Variants in DCHS2 observed in about 807,000 individuals in gnomAD.
DCHS2 encodes the protein protocadherin-23.
In DCHS2, 142 loss-of-function variants were observed where a neutral mutation model predicts 182.4. The ratio of observed to expected loss-of-function variants is 0.78; its 90% confidence interval spans 0.68 to 0.89. The LOEUF (loss-of-function observed/expected upper bound fraction) is 0.89, where lower values mean the gene tolerates loss of function less well. DCHS2 is among the 40% of genes least tolerant of loss of function. DCHS2 has a pLI of 0.00. For synonymous variants in DCHS2, 1,740 were observed against 1,663.3 expected (o/e 1.05, Z -1.12); for missense variants, 4,319 against 4,198.6 (o/e 1.03, Z -0.79).
At chr4:154,335,761 T>C (rs1405179777) in intron 3 of DCHS2, among the ~76,000 whole-genome samples, 1 of 152,258 alleles carries the variant, frequency 6.6e-6, no homozygotes, top group African/African-American at 2.4e-5. Context: ...ACCTTCTGCA[T>C]ATTTGCAAAA....
intron 13 of DCHS2, among the ~76,000 whole-genome samples, chr4:154,292,875 T>G (rs1734729729): frequency 6.6e-6 from 1 of 152,136 alleles, no homozygotes; most frequent in African/African-American, 2.4e-5. Context: ...TCCATCTCTA[T>G]CTTACCTAGC....
intron 1 of DCHS2, among the ~76,000 whole-genome samples, chr4:154,427,031 T>C (rs1442458159): frequency 6.6e-6 from 1 of 152,192 alleles, no homozygotes; most frequent in Non-Finnish European, 1.5e-5. Flanking sequence ...CAGTGATTCA[T>C]GAATGTTTCA....
chr4:154,265,290 G>A (rs966031892), intron 14 of DCHS2, among the ~76,000 whole-genome samples: 2 of 152,142 alleles, frequency 1.3e-5, no homozygotes, highest in Non-Finnish European at 2.9e-5. Flanking sequence ...ATACAAGCCT[G>A]TACATTTCAT....
intron 9 of DCHS2, among the ~76,000 whole-genome samples, chr4:154,316,759 G>A (rs1196123084): frequency 6.6e-6 from 1 of 152,118 alleles, no homozygotes; most frequent in African/African-American, 2.4e-5. Context: ...ACTCTAGCCT[G>A]GGCAACAGAG....
intron 8 of DCHS2, 108 bp from the exon 9 acceptor site, chr4:154,321,330 A>G (rs887893950): frequency 4.2e-6 from 5 of 1,203,650 alleles, no homozygotes; most frequent in Non-Finnish European, 5.4e-6. Context: ...GTATGTGATC[A>G]TATGTTAATT....
At chr4:154,292,200 C>A (rs556318957) in intron 13 of DCHS2, among the ~76,000 whole-genome samples, 1 of 152,098 alleles carries the variant, frequency 6.6e-6, no homozygotes, top group East Asian at 1.9e-4. Flanking sequence ...CACAAATACC[C>A]AAACCTGTTT....
At chr4:154,297,707 C>A in intron 13 of DCHS2, 144 bp downstream of exon 13, 1 of 1,335,206 alleles carries the variant, frequency 7.5e-7, no homozygotes, top group Non-Finnish European at 1.0e-6. Context: ...TCCACTTAAC[C>A]ATGTTTATTC....
At chr4:154,339,705 C>G (rs1189436142) in intron 3 of DCHS2, among the ~76,000 whole-genome samples, 1 of 152,124 alleles carries the variant, frequency 6.6e-6, no homozygotes, top group African/African-American at 2.4e-5. Flanking sequence ...TCTCGGCCTC[C>G]CAGAGTGCTG....
At chr4:154,351,345 T>C (rs527316654) in intron 3 of DCHS2, among the ~76,000 whole-genome samples, 17 of 152,182 alleles carry the variant, frequency 1.1e-4, no homozygotes, top group Non-Finnish European at 2.5e-4. Flanking sequence ...AGAAAGCATA[T>C]TCAAATACTT....
chr4:154,322,531 T>C (rs1253779758), intron 7 of DCHS2, 43 bp from the exon 8 acceptor site: 3 of 1,546,992 alleles, frequency 1.9e-6, no homozygotes, highest in Non-Finnish European at 2.6e-6. Context: ...TAATTGACAA[T>C]GCAGAAAACA....
At chr4:154,272,869 C>T (rs1208911716) in intron 13 of DCHS2, among the ~76,000 whole-genome samples, 1 of 152,100 alleles carries the variant, frequency 6.6e-6, no homozygotes, top group South Asian at 2.1e-4. Context: ...TGATATTGTG[C>T]ATCTTTTCAT....
intron 1 of DCHS2, among the ~76,000 whole-genome samples, chr4:154,400,289 C>A (rs1418075247): frequency 2.2e-5 from 2 of 89,966 alleles, no homozygotes; most frequent in African/African-American, 6.7e-5. Context: ...GGCAACAGAG[C>A]GAGACTTCGT....
Position 154,236,858 on chromosome 4 carries a change from A to T in DCHS2, c.7794T>A (p.Phe2598Leu), listed in dbSNP as rs143512002. Residue 2598 changes from phenylalanine (F) to leucine (L), a missense_variant, in exon 20 of 20, where the codon TTT (phenylalanine) becomes TTA (leucine). Transcript: ENST00000357232. ...AATGAAAGAACTTAGTTTCCACATG[A>T]AAATTGTTCTGTGAATTACCACTGA... ...SIISGNSQNNFHVETKFFHSE... is the reference protein window; with the variant it reads ...SIISGNSQNNLHVETKFFHSE... The T allele has an allele frequency of 1.0e-3, 1,640 of 1,613,948 alleles. 13 individuals are homozygous for T. The highest frequency in any genetic ancestry group is 6.6e-4 in the Non-Finnish European group (776 of 1,179,970).
intron 1 of DCHS2, among the ~76,000 whole-genome samples, chr4:154,384,081 T>C (rs17301342): frequency 0.39 from 58,560 of 151,974 alleles, 11,810 homozygotes; most frequent in East Asian, 0.65. Context: ...ACGTTTTACA[T>C]TTGAAGCACT....
chr4:154,289,422 T>G (rs189478912), intron 13 of DCHS2, among the ~76,000 whole-genome samples: 4 of 152,120 alleles, frequency 2.6e-5, no homozygotes, highest in Admixed American at 2.6e-4. Flanking sequence ...CAATAATATG[T>G]AATGAGATCA....
chr4:154,448,214 T>C (rs372943317), intron 1 of DCHS2, among the ~76,000 whole-genome samples: 1 of 152,184 alleles, frequency 6.6e-6, no homozygotes, highest in South Asian at 2.1e-4. Flanking sequence ...TTCCTGGCTA[T>C]GACATGTGGG....
intron 3 of DCHS2, chr4:154,357,430 T>C (rs1165635041): frequency 1.5e-6 from 1 of 677,184 alleles, no homozygotes; most frequent in Non-Finnish European, 2.6e-6. Flanking sequence ...CACGTAGCAC[T>C]CTTGTGCAAA....
At chr4:154,487,659 C>G (rs1728634109) in intron 1 of DCHS2, among the ~76,000 whole-genome samples, 1 of 152,192 alleles carries the variant, frequency 6.6e-6, no homozygotes, top group Admixed American at 6.5e-5. Flanking sequence ...CCTCAATTAT[C>G]TAAAGGTTAT....
intron 10 of DCHS2, among the ~76,000 whole-genome samples, chr4:154,311,005 T>C (rs1735651094): frequency 6.6e-6 from 1 of 152,022 alleles, no homozygotes; most frequent in Non-Finnish European, 1.5e-5. Flanking sequence ...AAGGAGACCG[T>C]AAAGCACACA....
Sources: gnomAD v4.1 joint callset for allele counts (sites outside exome capture counted in the v4.1 genomes callset) on GRCh38, gnomAD v4.1.1 for gene constraint, MANE v1.5 for transcripts, NCBI Gene and HGNC (gene_info 2026-07-23, HGNC 2026-07-21) for gene names.